The following NLGN3 variants were observed in gnomAD, a reference collection of about 807,000 sequenced individuals.
NLGN3 encodes neuroligin 3, also known as neuroligin-3.
Under a neutral mutation model 42.9 loss-of-function variants are expected in NLGN3, and 11 were observed. The ratio of observed to expected loss-of-function variants is 0.26; its 90% CI spans 0.16 to 0.42. The LOEUF (loss-of-function observed/expected upper bound fraction) is 0.42, where lower values mean the gene tolerates loss of function less well. NLGN3 is among the 10% of genes least tolerant of loss of function. NLGN3 has a pLI of 1.00. For synonymous variants in NLGN3, 279 were observed against 312.7 expected, an observed-to-expected ratio of 0.89 and a Z score of 1.14; for missense variants, 374 against 733.8, an observed-to-expected ratio of 0.51 and a Z score of 5.67.
chrX:71,156,019 G>A (rs61495839), intron 5 of NLGN3, among the ~76,000 whole-genome samples: 54,091 of 108,431 alleles, frequency 0.5, 11,335 homozygotes, highest in African/African-American at 0.77. Context: ...CCCTCCGCAT[G>A]TACACACACA....
chrX:71,153,651 T>C, intron 4 of NLGN3, 115 bp downstream of exon 4: 2 of 710,946 alleles, frequency 2.8e-6, no homozygotes, highest in Non-Finnish European at 4.3e-6. Flanking sequence ...TTTCTGTTCC[T>C]GTACAAGGCC....
chrX:71,159,464 AC>A (rs1331563168), intron 5 of NLGN3, among the ~76,000 whole-genome samples: 1 of 112,304 alleles, frequency 8.9e-6, no homozygotes, highest in African/African-American at 3.2e-5. Context: ...CCAGAACAGC[AC>A]ATCTAGGGGG....
At chrX:71,168,876 AAAAGAAAGAG>A (rs1569485739) in intron 7 of NLGN3, among the ~76,000 whole-genome samples, 2 of 74,640 alleles carry the variant, frequency 2.7e-5, no homozygotes, top group African/African-American at 8.2e-5. Flanking sequence ...AAAGAGAAAG[AAAAGAAAGAG>A]AAAGAAAGAA....
At chrX:71,158,590 TA>T (rs892476011) in intron 5 of NLGN3, among the ~76,000 whole-genome samples, 7 of 111,352 alleles carry the variant, frequency 6.3e-5, no homozygotes, top group Admixed American at 5.7e-4. Flanking sequence ...CAAAGAATAC[TA>T]AAAATATGCT....
At chrX:71,151,356 G>A (rs1190653895) in intron 3 of NLGN3, among the ~76,000 whole-genome samples, 1 of 112,114 alleles carries the variant, frequency 8.9e-6, no homozygotes, top group East Asian at 2.8e-4. Context: ...AGTCCCATGG[G>A]CCAATCAGGA....
chrX:71,162,811 G>A (rs1452353051), intron 5 of NLGN3, among the ~76,000 whole-genome samples: 1 of 111,910 alleles, frequency 8.9e-6, no homozygotes, highest in African/African-American at 3.3e-5. Context: ...AACTCCCCAT[G>A]AGCTCTGGGA....
At chrX:71,169,119 C>A in intron 7 of NLGN3, 135 bp from the exon 8 acceptor site, 1 of 706,641 alleles carries the variant, frequency 1.4e-6, no homozygotes, top group Non-Finnish European at 2.2e-6. Context: ...GTGGGCAGAG[C>A]AGGGGACCCT....
At chrX:71,168,635 T>C (rs961444137) in intron 7 of NLGN3, among the ~76,000 whole-genome samples, 4 of 103,947 alleles carry the variant, frequency 3.8e-5, no homozygotes, top group South Asian at 8.7e-4. Context: ...GGCAGGAGAA[T>C]TGCTTGAACC....
Position 71,147,866 on chromosome X carries a change from C to T in NLGN3, c.117C>T (p.Ala39=). 6.6e-6 allele frequency: 8 copies of T among 1,207,886 alleles called. No homozygotes were observed. Among genetic ancestry groups the T allele is most frequent in the Non-Finnish European group, 9.0e-6 (8 of 893,467 alleles). The change falls in exon 2 of 8, where the codon GCC becomes GCT. Residue 39 remains alanine, a synonymous_variant. Transcript: ENST00000358741. Reference sequence around the variant, plus strand: ...TGGCGCTGAGGGCCAGTACCCAGGCCCCAGCACCCACAGTCAACACTCACT... The same window carrying T: ...TGGCGCTGAGGGCCAGTACCCAGGCTCCAGCACCCACAGTCAACACTCACT... ...LSLALRASTQ[A]PAPTVNTHFG... is the part of the protein sequence containing the mutation.
At chrX:71,152,439 T>A (rs1342951916) in intron 3 of NLGN3, among the ~76,000 whole-genome samples, 3 of 109,970 alleles carry the variant, frequency 2.7e-5, no homozygotes, top group Non-Finnish European at 1.9e-5. Flanking sequence ...AAAGGTGGCA[T>A]GATGCAGTGG....
At chrX:71,169,170 A>C in intron 7 of NLGN3, 84 bp from the exon 8 acceptor site, 2 of 1,072,202 alleles carry the variant, frequency 1.9e-6, no homozygotes, top group Non-Finnish European at 2.6e-6. Context: ...ACTGGGAAAG[A>C]GGTTTGGCTG....
intron 6 of NLGN3, among the ~76,000 whole-genome samples, chrX:71,166,610 T>C (rs1376780787): frequency 1.8e-5 from 2 of 111,860 alleles, no homozygotes; most frequent in East Asian, 5.6e-4. Context: ...TCATCTCTCA[T>C]GAAAAAGACT....
In NLGN3 at chrX:71,169,604, G is replaced by C; in HGVS notation, c.2054G>C (p.Gly685Ala). 1 of 1,211,789 alleles carries C rather than the reference G, an allele frequency of 8.3e-7. No individual in the cohort carries two copies. Among genetic ancestry groups the C allele is most frequent in the Non-Finnish European group, 1.1e-6 (1 of 895,305 alleles). ...SPAYSNENAQ[G>A]SWNGDQDAGP... ...GCCTACAGCAACGAGAATGCCCAGG[G>C]GTCCTGGAACGGGGACCAGGATGCA... is the stretch of plus-strand genomic sequence containing the variant. The change falls in exon 8 of 8, where the codon GGG (glycine) becomes GCG (alanine). Residue 685 changes from glycine (G) to alanine (A), a missense_variant. By Grantham distance (60) the Gly-to-Ala change is moderately conservative (BLOSUM62 0). This residue lies in a region of NLGN3 where 142 missense variants were observed against 359.1 expected (regional missense o/e 0.40). Coordinates refer to ENST00000358741, the MANE Select transcript of NLGN3 (RefSeq NM_181303.2).
In NLGN3 at chrX:71,147,727, C is replaced by T. The variant is rs1280705760; in HGVS notation, c.-23C>T. On this transcript the variant is annotated 5_prime_UTR_variant, in exon 2 of 8. Coordinates refer to ENST00000358741, the MANE Select transcript of NLGN3 (RefSeq NM_181303.2). Reference sequence around the variant, plus strand: ...GCTGTGACCCTGGAGTCTGCCTCTCCTGCCAGTCCCCCTGCCCGGAACATG... The same window carrying T: ...GCTGTGACCCTGGAGTCTGCCTCTCTTGCCAGTCCCCCTGCCCGGAACATG... 10 of 1,187,664 alleles carry T rather than the reference C, an allele frequency of 8.4e-6. No individual in the cohort carries two copies. The highest frequency in any genetic ancestry group is 1.1e-5 in the Non-Finnish European group (10 of 880,669).
chrX:71,157,011 C>G (rs1287901340), intron 5 of NLGN3, among the ~76,000 whole-genome samples: 1 of 110,913 alleles, frequency 9.0e-6, no homozygotes, highest in African/African-American at 3.3e-5. Context: ...TCATGCTCCC[C>G]CAAGCCCCGC....
chrX:71,155,968 G>A (rs138183522), intron 5 of NLGN3, among the ~76,000 whole-genome samples: 1,243 of 109,714 alleles, frequency 0.011, 15 homozygotes, highest in Middle Eastern at 0.028. Context: ...ATACCCACAC[G>A]GTCTGTGTAC....
rs753878101 is a variant in NLGN3, at chrX:71,169,745, G to A, written c.2195G>A (p.Arg732His). 5.0e-6 allele frequency: 6 copies of A among 1,211,670 alleles called. No homozygotes were observed. The highest frequency in any genetic ancestry group is 2.3e-4 in the Middle Eastern group (1 of 4,342). The change falls in exon 8 of 8, where the codon CGT becomes CAT. Residue 732 changes from arginine (R) to histidine (H), a missense_variant. Physicochemically the swap from Arg to His is conservative, Grantham distance 29. Transcript: ENST00000358741. ...CTGGCCTTCGCTGCCCTCTACTACC[G>A]TAAGGACAAACGGCGCCAGGAGCCC... ...NVLAFAALYY[R>H]KDKRRQEPLR...
chrX:71,173,994 G>A (rs2092474892), downstream of NLGN3, among the ~76,000 whole-genome samples: 1 of 111,515 alleles, frequency 9.0e-6, no homozygotes, highest in African/African-American at 3.3e-5. Flanking sequence ...CCAAAATGGT[G>A]GGAAATTAGC....
At position 71,170,789 on chromosome X, in the gene NLGN3, C is replaced by T. The variant is rs183671009; in HGVS notation, c.*692C>T. The stretch of plus-strand genomic sequence containing the variant: ...CTAGCACTGGATGGAGCTGGAGGGT[C>T]GTAGGGGAGAGATCTCCAACTCTCT... On this transcript the variant is annotated 3_prime_UTR_variant, in exon 8 of 8. Transcript: ENST00000358741. 31 of 754,148 alleles carry T rather than the reference C, an allele frequency of 4.1e-5. No individual in the cohort carries two copies. The highest frequency in any genetic ancestry group is 8.5e-5 in the Admixed American group (1 of 11,820). 62.2% of individuals were successfully genotyped at this position (754,148 alleles called of 1,213,427 possible).
Sources: gnomAD v4.1 joint callset for allele counts (sites outside exome capture counted in the v4.1 genomes callset) on GRCh38, gnomAD v4.1.1 for gene constraint, gnomAD v4.1.1 regional missense constraint, MANE v1.5 for transcripts, NCBI Gene and HGNC (gene_info 2026-07-23, HGNC 2026-07-21) for gene names.